The following ELOVL5 variants were observed in gnomAD, a reference collection of about 807,000 sequenced individuals.
ELOVL5 encodes very long chain fatty acid elongase 5.
ELOVL5 carries 8 observed loss-of-function variants against 38.6 expected under a neutral mutation model. The observed-to-expected ratio is 0.21, with a 90% CI of 0.12 to 0.37. The LOEUF (loss-of-function observed/expected upper bound fraction) is 0.37. ELOVL5 is among the 10% of genes least tolerant of loss of function. The pLI is 1.00. For synonymous variants in ELOVL5, 127 were observed against 133.7 expected, an observed-to-expected ratio of 0.95 and a Z score of 0.34; for missense variants, 280 against 367.8, an observed-to-expected ratio of 0.76 and a Z score of 1.95.
intron 1 of ELOVL5, among the ~76,000 whole-genome samples, chr6:53,306,000 G>C (rs1767521853): frequency 6.6e-6 from 1 of 151,798 alleles, no homozygotes; most frequent in East Asian, 2.0e-4. Flanking sequence ...TTAGGAGCTG[G>C]AGACCAGCCC....
At chr6:53,279,325 C>T (rs145277476) in intron 3 of ELOVL5, among the ~76,000 whole-genome samples, 156 of 152,306 alleles carry the variant, frequency 1.0e-3, no homozygotes, top group African/African-American at 3.6e-3. Flanking sequence ...CCTATCTATC[C>T]TTCAAAGTTC....
intron 1 of ELOVL5, among the ~76,000 whole-genome samples, chr6:53,317,344 C>T (rs930024224): frequency 4.6e-5 from 7 of 152,154 alleles, no homozygotes; most frequent in Non-Finnish European, 7.3e-5. Flanking sequence ...CACATGCACA[C>T]GTATGTTTAT....
At chr6:53,318,568 A>T (rs1768150287) in intron 1 of ELOVL5, among the ~76,000 whole-genome samples, 1 of 152,166 alleles carries the variant, frequency 6.6e-6, no homozygotes, top group African/African-American at 2.4e-5. Flanking sequence ...ACCCCGCCCC[A>T]TCTCTACAAA....
rs766603729 is a variant in ELOVL5 at position 53,312,316 on chromosome 6, T to C, written c.-8-16609A>G. On this transcript the variant is annotated intron_variant, in intron 1 of 7. Coordinates refer to ENST00000304434, the MANE Select transcript of ELOVL5 (RefSeq NM_021814.5). ...AACAAGATACTCTCCAACAGGTGAATTGTTAAAACAAACCATGGTATATCC... is the reference window on the plus strand; with the variant it reads ...AACAAGATACTCTCCAACAGGTGAACTGTTAAAACAAACCATGGTATATCC... Among the ~76,000 whole-genome samples the C allele has an allele frequency of 1.8e-4, 27 of 152,196 alleles. 1 individual carries two copies. Among genetic ancestry groups the C allele is most frequent in the Admixed American group, 7.8e-4 (12 of 15,288 alleles).
intron 1 of ELOVL5, among the ~76,000 whole-genome samples, chr6:53,312,540 T>C (rs1427145985): frequency 1.3e-5 from 2 of 152,220 alleles, no homozygotes; most frequent in African/African-American, 4.8e-5. Context: ...TGGAAGAGGA[T>C]GTGGTTATGA....
chr6:53,301,739 TA>T (rs35925670), intron 1 of ELOVL5, among the ~76,000 whole-genome samples: 55,218 of 152,092 alleles, frequency 0.36, 11,133 homozygotes, highest in African/African-American at 0.55. Flanking sequence ...GAACCAATTT[TA>T]AAGAATTCCT....
chr6:53,330,702 A>G (rs931288228), intron 1 of ELOVL5, among the ~76,000 whole-genome samples: 1 of 151,674 alleles, frequency 6.6e-6, no homozygotes, highest in Admixed American at 6.6e-5. Flanking sequence ...AGACTTTTAC[A>G]TTTTAACTTT....
intron 1 of ELOVL5, among the ~76,000 whole-genome samples, chr6:53,306,781 TAGAAGA>T (rs750719905): frequency 6.6e-6 from 1 of 152,208 alleles, no homozygotes; most frequent in South Asian, 2.1e-4. Flanking sequence ...CTTTTGAAAC[TAGAAGA>T]AGAAGTGGTG....
intron 1 of ELOVL5, among the ~76,000 whole-genome samples, chr6:53,327,433 A>C (rs1047633509): frequency 5.3e-5 from 8 of 152,214 alleles, no homozygotes; most frequent in Admixed American, 2.0e-4. Flanking sequence ...AGCCAGATAC[A>C]AGAGGTCACA....
At chr6:53,338,264 G>A (rs1769169784) in intron 1 of ELOVL5, among the ~76,000 whole-genome samples, 1 of 152,030 alleles carries the variant, frequency 6.6e-6, no homozygotes, top group Non-Finnish European at 1.5e-5. Context: ...TGTACCAGGG[G>A]GTCAATGAAA....
intron 1 of ELOVL5, among the ~76,000 whole-genome samples, chr6:53,307,464 G>A (rs1767627965): frequency 6.6e-6 from 1 of 152,204 alleles, no homozygotes; most frequent in Non-Finnish European, 1.5e-5. Context: ...GTGTGGCACA[G>A]CAAGTACCGT....
intron 1 of ELOVL5, among the ~76,000 whole-genome samples, chr6:53,300,997 T>G (rs73742923): frequency 6.6e-5 from 10 of 152,078 alleles, no homozygotes; most frequent in African/African-American, 2.4e-4. Context: ...AAATGAATTC[T>G]TCATCACCAG....
chr6:53,289,786 T>C (rs1766705403), intron 3 of ELOVL5, among the ~76,000 whole-genome samples: 1 of 152,126 alleles, frequency 6.6e-6, no homozygotes, highest in Non-Finnish European at 1.5e-5. Context: ...CACATGACAA[T>C]GGAATTATTG....
At chr6:53,313,549 A>G (rs1310194499) in intron 1 of ELOVL5, among the ~76,000 whole-genome samples, 2 of 151,922 alleles carry the variant, frequency 1.3e-5, no homozygotes, top group Non-Finnish European at 1.5e-5. Flanking sequence ...AAATGTAGAG[A>G]AGGAGTCTCG....
intron 1 of ELOVL5, among the ~76,000 whole-genome samples, chr6:53,298,905 G>GC (rs1334270313): frequency 3.3e-5 from 5 of 149,602 alleles, no homozygotes; most frequent in Non-Finnish European, 7.4e-5. Context: ...CAAGGCGGGG[G>GC]GGGGGAGTTG....
intron 1 of ELOVL5, among the ~76,000 whole-genome samples, chr6:53,340,674 T>C (rs1251726615): frequency 1.3e-5 from 2 of 152,250 alleles, no homozygotes; most frequent in African/African-American, 4.8e-5. Flanking sequence ...TACAGGTTTG[T>C]AGCCTAGGAG....
chr6:53,285,377 C>G (rs532131381), intron 3 of ELOVL5, among the ~76,000 whole-genome samples: 2 of 152,298 alleles, frequency 1.3e-5, no homozygotes, highest in African/African-American at 4.8e-5. Context: ...TTCTGTGAAG[C>G]CTGGGAGAGG....
intron 1 of ELOVL5, chr6:53,337,354 G>A (rs1769118586): frequency 6.6e-6 from 1 of 152,204 alleles, no homozygotes; most frequent in African/African-American, 2.4e-5. Context: ...CAGCCAACGA[G>A]TCCTTAGATG....
In ELOVL5 at chr6:53,270,616, G is replaced by A. The variant is rs1202558336; in HGVS notation, c.733C>T (p.Leu245Phe). The A allele has an allele frequency of 6.2e-7, 1 of 1,614,164 alleles. No homozygotes were observed. Among genetic ancestry groups the A allele is most frequent in the East Asian group, 2.2e-5 (1 of 44,876 alleles). ...QIGYMISLIA[L>F]FTNFYIQTYN... is the part of the protein sequence containing the mutation. ...ACCTGAATGTAGAAGTTTGTGAAGAGAGCAATCAGGGAAATCATGTATCCA... is the reference window on the plus strand; with the variant it reads ...ACCTGAATGTAGAAGTTTGTGAAGAAAGCAATCAGGGAAATCATGTATCCA... Residue 245 changes from leucine (L) to phenylalanine (F), a missense_variant, in exon 7 of 8, where the codon CTC becomes TTC. Around this residue, in one of 3 missense-constraint regions of ELOVL5, gnomAD observed 125 missense variants for 158.9 expected, o/e 0.79. Transcript: ENST00000304434.
Sources: allele counts gnomAD v4.1 joint callset (sites outside exome capture counted in the v4.1 genomes callset), GRCh38; gene constraint gnomAD v4.1.1; regional missense constraint gnomAD v4.1.1; transcripts MANE v1.5; gene names NCBI Gene and HGNC (gene_info 2026-07-23, HGNC 2026-07-21).